PHF2: variants seen among roughly 807,000 people sequenced by gnomAD.
PHF2 encodes the protein PHD finger protein 2, also known as lysine-specific demethylase PHF2.
A neutral mutation model predicts 120.5 loss-of-function variants in PHF2; 27 were observed. The ratio of observed to expected loss-of-function variants is 0.22; its 90% CI spans 0.17 to 0.31. The LOEUF (loss-of-function observed/expected upper bound fraction) is 0.31. PHF2 is among the 10% of genes least tolerant of loss of function. The probability of loss-of-function intolerance (pLI) is 1.00; values close to 1 mark genes in which losing one functional copy is unlikely to be tolerated. For synonymous variants in PHF2, 568 were observed against 592.5 expected, an observed-to-expected ratio of 0.96 and a Z score of 0.60; for missense variants, 1,024 against 1,434.8, an observed-to-expected ratio of 0.71 and a Z score of 4.63.
chr9:93,599,562 G>A (rs1280211648), intron 1 of PHF2, among the ~76,000 whole-genome samples: 1 of 152,244 alleles, frequency 6.6e-6, no homozygotes, highest in Non-Finnish European at 1.5e-5. Context: ...CTCACTGCCT[G>A]AATGCCAGTG....
At chr9:93,641,980 C>A (rs1415873216) in intron 3 of PHF2, among the ~76,000 whole-genome samples, 1 of 152,132 alleles carries the variant, frequency 6.6e-6, no homozygotes, top group Non-Finnish European at 1.5e-5. Flanking sequence ...GTAGGAAGAA[C>A]TTTATTCTTT....
chr9:93,577,234 G>A (rs2131591290), intron 1 of PHF2, among the ~76,000 whole-genome samples: 1 of 151,332 alleles, frequency 6.6e-6, no homozygotes, highest in East Asian at 2.0e-4. Context: ...GGCATCCGGA[G>A]GGAGGCCGAG....
At chr9:93,650,376 T>G (rs909303214) in intron 5 of PHF2, among the ~76,000 whole-genome samples, 2 of 151,944 alleles carry the variant, frequency 1.3e-5, no homozygotes, top group African/African-American at 2.4e-5. Flanking sequence ...ACACTCATAC[T>G]CCTAACACCC....
chr9:93,667,123 A>T lies in PHF2; in HGVS notation c.2231A>T (p.Asp744Val). ...SDEGSLHIDT[D>V]TKPGRNARVK... ...GAGGGTTCGCTGCACATCGACACAG[A>T]CACCAAGCCCGGCCGCAATGCCAGA... The change falls in exon 17 of 22, where the codon GAC (aspartate) becomes GTC (valine). Residue 744 changes from aspartate to valine, a missense_variant. Around this residue, in one of 2 missense-constraint regions of PHF2, gnomAD observed 677 missense variants for 857.4 expected, o/e 0.79. Transcript: ENST00000359246. 1 of 1,613,194 alleles carries T rather than the reference A, an allele frequency of 6.2e-7. No homozygotes were observed. The highest frequency in any genetic ancestry group is 8.5e-7 in the Non-Finnish European group (1 of 1,179,976).
chr9:93,578,182 C>T (rs992184837), intron 1 of PHF2, among the ~76,000 whole-genome samples: 1 of 152,164 alleles, frequency 6.6e-6, no homozygotes, highest in Non-Finnish European at 1.5e-5. Context: ...GTCTGTCAGC[C>T]CCAGTCCTGA....
At chr9:93,585,618 G>A (rs1863026652) in intron 1 of PHF2, among the ~76,000 whole-genome samples, 1 of 152,222 alleles carries the variant, frequency 6.6e-6, no homozygotes, top group Admixed American at 6.5e-5. Context: ...GATCTGATTG[G>A]CCTTGGAGAG....
chr9:93,661,063 C>T (rs548033704), intron 12 of PHF2, among the ~76,000 whole-genome samples: 1 of 152,138 alleles, frequency 6.6e-6, no homozygotes, highest in Non-Finnish European at 1.5e-5. Context: ...GCAGAAACAA[C>T]AGGGAGAATG....
intron 10 of PHF2, among the ~76,000 whole-genome samples, chr9:93,658,451 C>T (rs927191085): frequency 1.2e-4 from 19 of 152,160 alleles, no homozygotes; most frequent in African/African-American, 4.6e-4. Flanking sequence ...GATTGGGCCA[C>T]CTGAGGGCTG....
At chr9:93,589,844 C>T (rs1205633974) in intron 1 of PHF2, among the ~76,000 whole-genome samples, 4 of 152,158 alleles carry the variant, frequency 2.6e-5, no homozygotes, top group South Asian at 2.1e-4. Context: ...ACCCCCTTTC[C>T]CTCTCTCCAC....
At chr9:93,601,226 CA>C (rs924819594) in intron 1 of PHF2, among the ~76,000 whole-genome samples, 17 of 152,232 alleles carry the variant, frequency 1.1e-4, no homozygotes, top group Non-Finnish European at 1.6e-4. Context: ...GGCCGGGGCC[CA>C]CCCAGGTTTG....
Position 93,656,733 on chromosome 9 carries a change from C to CT in PHF2, c.1147+139dup. ...GCAAGTCCTCTTGGGACTCAGACCC[C>CT]TGGGGCTCAGTTTCCCCATCTGTAT... is the stretch of plus-strand genomic sequence containing the variant. On this transcript the variant is annotated intron_variant, in intron 9 of 21. Transcript: ENST00000359246. The surrounding 1 kb of genome is among the most constrained non-coding windows in gnomAD (Gnocchi z 4.1). 1.5e-6 allele frequency: 1 copy of CT among 647,144 alleles called. No homozygotes were observed. The highest frequency in any genetic ancestry group is 2.8e-6 in the Non-Finnish European group (1 of 362,552). 40.1% of individuals were successfully genotyped at this position (647,144 alleles called of 1,614,324 possible).
chr9:93,675,628 G>A, intron 19 of PHF2, 52 bp from the exon 20 acceptor site: 1 of 1,430,876 alleles, frequency 7.0e-7, no homozygotes, highest in Non-Finnish European at 9.8e-7. Flanking sequence ...ACCAGGAGGG[G>A]TGGACAGGCT....
intron 4 of PHF2, among the ~76,000 whole-genome samples, chr9:93,646,376 C>T (rs945740804): frequency 2.0e-5 from 3 of 152,242 alleles, no homozygotes; most frequent in Non-Finnish European, 4.4e-5. Flanking sequence ...GAGGCCAGCA[C>T]ACCTAGCAGT....
chr9:93,673,085 C>T (rs73523933), intron 17 of PHF2, among the ~76,000 whole-genome samples: 2,637 of 151,910 alleles, frequency 0.017, 34 homozygotes, highest in Middle Eastern at 0.044. Context: ...GAGTGGGCTA[C>T]GCTGCCCCAT....
At chr9:93,614,661 C>T (rs1341227981) in intron 1 of PHF2, among the ~76,000 whole-genome samples, 5 of 152,216 alleles carry the variant, frequency 3.3e-5, no homozygotes, top group Admixed American at 6.5e-5. Context: ...TGTCAACATT[C>T]TTTCCACGGA....
At chr9:93,610,003 T>G (rs536884115) in intron 1 of PHF2, among the ~76,000 whole-genome samples, 1 of 152,196 alleles carries the variant, frequency 6.6e-6, no homozygotes, top group East Asian at 1.9e-4. Context: ...CCTCCCTGAC[T>G]TTTTTCAAGA....
intron 6 of PHF2, 113 bp downstream of exon 6, chr9:93,653,478 C>T (rs1425392886): frequency 1.8e-6 from 2 of 1,094,536 alleles, no homozygotes; most frequent in Non-Finnish European, 1.3e-6. Context: ...CCCAGAGGGC[C>T]CCTGGACTGT....
At chr9:93,587,269 A>G (rs1863065148) in intron 1 of PHF2, among the ~76,000 whole-genome samples, 1 of 122,126 alleles carries the variant, frequency 8.2e-6, no homozygotes, top group Admixed American at 8.2e-5. Flanking sequence ...GCCCTGGGTG[A>G]GGGATGACGG....
chr9:93,592,043 C>G (rs1192862604), intron 1 of PHF2, among the ~76,000 whole-genome samples: 3 of 152,228 alleles, frequency 2.0e-5, no homozygotes, highest in African/African-American at 4.8e-5. Flanking sequence ...TCACTCTTTA[C>G]CCAGGGGTCA....
Sources: gnomAD v4.1 joint callset for allele counts (sites outside exome capture counted in the v4.1 genomes callset) on GRCh38, gnomAD v4.1.1 for gene constraint, gnomAD v4.1.1 regional missense constraint, Gnocchi (gnomAD v3.1) non-coding constraint, MANE v1.5 for transcripts, NCBI Gene and HGNC (gene_info 2026-07-23, HGNC 2026-07-21) for gene names.